Variants in ZNF780A observed in about 807,000 individuals in gnomAD.
The protein encoded by ZNF780A is zinc finger protein 780A.
ZNF780A carries 40 observed loss-of-function variants against 56.7 expected under a neutral mutation model. That is an observed-to-expected ratio of 0.71 (90% CI 0.55 to 0.92). The LOEUF is 0.92. Among genes scored for constraint, ZNF780A ranks in the 40% least tolerant of loss-of-function variants. ZNF780A has a pLI of 0.00. For missense variants in ZNF780A, 672 were observed against 783.3 expected (o/e 0.86, Z 1.70); for synonymous variants, 231 against 248.3 (o/e 0.93, Z 0.66).
chr19:40,075,415 T>G lies in ZNF780A; in HGVS notation c.1027A>C (p.Thr343Pro). ...TGTCGAACAAGCTTTGTCAGAAGAG[T>G]AAACGCCTTTCCACATTCTTTACAT... is the stretch of plus-strand genomic sequence containing the variant. The part of the protein sequence containing the change: ...FECKECGKAF[T>P]LLTKLVRHQK... The change falls in exon 6 of 6, where the codon ACT becomes CCT. Residue 343 changes from threonine to proline, a missense_variant. Transcript: ENST00000683561. The G allele has an allele frequency of 6.2e-7, 1 of 1,614,056 alleles. No individual in the cohort carries two copies. The highest frequency in any genetic ancestry group is 8.5e-7 in the Non-Finnish European group (1 of 1,180,008).
At position 40,077,156 on chromosome 19, in the gene ZNF780A, A is replaced by G. The variant is rs147389678; in HGVS notation, c.233-947T>C. 6.7e-3 allele frequency among the ~76,000 whole-genome samples: 1,013 copies of G among 152,194 alleles called. 5 individuals are homozygous for G. The highest frequency in any genetic ancestry group is 0.012 in the Non-Finnish European group (792 of 68,020). Reference sequence around the variant, plus strand: ...TATGCTGGGGCCCCAAAACAGGCACATCTGGACTGCCACTGCCACCACCAG... The same window carrying G: ...TATGCTGGGGCCCCAAAACAGGCACGTCTGGACTGCCACTGCCACCACCAG... On this transcript the variant is annotated intron_variant, in intron 5 of 5. Coordinates refer to ENST00000683561, the MANE Select transcript of ZNF780A (RefSeq NM_001142578.2).
chr19:40,073,864 T>C lies in ZNF780A; in HGVS notation c.*652A>G. On this transcript the variant is annotated 3_prime_UTR_variant, in exon 6 of 6. Coordinates refer to ENST00000683561, the MANE Select transcript of ZNF780A (RefSeq NM_001142578.2). ...CTTATTGTCACAAAATTTCTAACTA[T>C]TCTGAATTTTCTGATGTTGAGACAG... The C allele has an allele frequency of 1.0e-6, 1 of 996,868 alleles. No homozygotes were observed. Among genetic ancestry groups the C allele is most frequent in the Non-Finnish European group, 1.2e-6 (1 of 836,622 alleles). 61.8% of individuals were successfully genotyped at this position (996,868 alleles called of 1,614,324 possible). A position where few individuals can be genotyped will look rare whatever the true frequency, so the allele number is the denominator to read the frequency against.
At chr19:40,082,043 A>G (rs556838908) in intron 4 of ZNF780A, 129 bp from the exon 5 acceptor site, 1 of 571,566 alleles carries the variant, frequency 1.7e-6, no homozygotes, top group Admixed American at 3.3e-5. Context: ...TTCAGATAAG[A>G]GTGAGAGGTT....
Position 40,083,200 on chromosome 19 carries a change from G to A in ZNF780A, c.47C>T (p.Ser16Phe). The change falls in exon 4 of 6, where the codon TCT becomes TTT. Residue 16 changes from serine to phenylalanine, a missense_variant. Transcript: ENST00000683561. ...VTFRDVAIDF[S>F]QEEWECLQPD... Reference sequence around the variant, plus strand: ...CTGCAGGCACTCCCACTCCTCCTGAGAGAAGTCAATGGCCACATCCCTGAA... The same window carrying A: ...CTGCAGGCACTCCCACTCCTCCTGAAAGAAGTCAATGGCCACATCCCTGAA... 6.2e-7 allele frequency: 1 copy of A among 1,614,182 alleles called. No homozygotes were observed. The highest frequency in any genetic ancestry group is 8.5e-7 in the Non-Finnish European group (1 of 1,180,036).
chr19:40,080,028 G>T lies in ZNF780A; in HGVS notation c.232+1791C>A, dbSNP rs61140926. On this transcript the variant is annotated intron_variant, in intron 5 of 5. Coordinates refer to ENST00000683561, the MANE Select transcript of ZNF780A (RefSeq NM_001142578.2). Reference sequence around the variant, plus strand: ...AACCACTAGCTAGACTAACCAAGAAGAAAAGAGAAGAAATAAGCAAAATCA... The same window carrying T: ...AACCACTAGCTAGACTAACCAAGAATAAAAGAGAAGAAATAAGCAAAATCA... Among the ~76,000 whole-genome samples, 734 of 151,540 alleles carry T rather than the reference G, an allele frequency of 4.8e-3. 9 individuals are homozygous for T. The highest frequency in any genetic ancestry group is 0.016 in the African/African-American group (680 of 41,352).
At chr19:40,081,001 T>C (rs1289181846) in intron 5 of ZNF780A, among the ~76,000 whole-genome samples, 1 of 151,700 alleles carries the variant, frequency 6.6e-6, no homozygotes, top group Non-Finnish European at 1.5e-5. Context: ...AAAGAAAACA[T>C]AAAGGAAGTG....
At chr19:40,077,242 C>A (rs1400008901) in intron 5 of ZNF780A, among the ~76,000 whole-genome samples, 2 of 152,044 alleles carry the variant, frequency 1.3e-5, no homozygotes, top group African/African-American at 2.4e-5. Context: ...TAAAGGAATA[C>A]CTGAGACTGG....
At chr19:40,086,637 GAATTCTT>G (rs2144972336) in intron 2 of ZNF780A, among the ~76,000 whole-genome samples, 1 of 150,894 alleles carries the variant, frequency 6.6e-6, no homozygotes, top group African/African-American at 2.5e-5. Flanking sequence ...CCTTCAGATA[GAATTCTT>G]ATAGAATTCT....
At chr19:40,079,793 G>A (rs1568451278) in intron 5 of ZNF780A, among the ~76,000 whole-genome samples, 1 of 151,982 alleles carries the variant, frequency 6.6e-6, no homozygotes, top group Admixed American at 6.6e-5. Context: ...ATGAAAATCA[G>A]AATACAACAT....
chr19:40,090,179 T>G lies in ZNF780A; in HGVS notation c.-59A>C, dbSNP rs1975074645. On this transcript the variant is annotated 5_prime_UTR_variant, in exon 2 of 6. Transcript: ENST00000683561. The stretch of plus-strand genomic sequence containing the variant: ...GCACAAACTCACCCTTGACTTTAGG[T>G]GTGCAGCAGTAACGCTCTCATCCTC... 1 of 152,140 alleles carries G rather than the reference T, an allele frequency of 6.6e-6. No homozygotes were observed. Among genetic ancestry groups the G allele is most frequent in the Non-Finnish European group, 1.5e-5 (1 of 68,014 alleles). 9.4% of individuals were successfully genotyped at this position (152,140 alleles called of 1,614,324 possible).
In ZNF780A at chr19:40,075,180, T is replaced by A. The variant is rs755348373; in HGVS notation, c.1262A>T (p.Glu421Val). Reference sequence around the variant, plus strand: ...ACCACGATTAAAGCCTTTCCCACACTCCTTACATTCATATGGTTTTATACC... The same window carrying A: ...ACCACGATTAAAGCCTTTCCCACACACCTTACATTCATATGGTTTTATACC... ...HAGIKPYECK[E>V]CGKGFNRGAH... is the part of the protein sequence containing the mutation. Residue 421 changes from glutamate (E) to valine (V), a missense_variant, in exon 6 of 6, where the codon GAG (glutamate) becomes GTG (valine). Transcript: ENST00000683561. 6.2e-6 allele frequency: 10 copies of A among 1,613,830 alleles called. No homozygotes were observed. Among genetic ancestry groups the A allele is most frequent in the Admixed American group, 3.3e-5 (2 of 59,980 alleles).
chr19:40,082,890 C>G (rs1974559146), intron 4 of ZNF780A, among the ~76,000 whole-genome samples: 1 of 152,140 alleles, frequency 6.6e-6, no homozygotes, highest in South Asian at 2.1e-4. Context: ...GAGGCAATTA[C>G]AGAGAGGACC....
downstream of ZNF780A, chr19:40,072,114 G>A (rs1034141862): frequency 3.1e-5 from 7 of 223,844 alleles, no homozygotes; most frequent in African/African-American, 1.6e-4. Context: ...TTCTTCAAAT[G>A]GAGCCCCAGA....
downstream of ZNF780A, chr19:40,072,920 A>G: frequency 1.3e-6 from 2 of 1,550,944 alleles, no homozygotes; most frequent in Non-Finnish European, 1.7e-6. Context: ...AGATTCTGCA[A>G]TGGATTCTCC....
intron 5 of ZNF780A, among the ~76,000 whole-genome samples, chr19:40,078,265 AAAG>A (rs1355992120): frequency 6.6e-6 from 1 of 152,102 alleles, no homozygotes; most frequent in Admixed American, 6.5e-5. Context: ...AAAAACAAAA[AAAG>A]AAGAAGAAAC....
At chr19:40,089,981 AAG>A (rs913806490) in intron 2 of ZNF780A, among the ~76,000 whole-genome samples, 183 bp downstream of exon 2, 4 of 152,182 alleles carry the variant, frequency 2.6e-5, no homozygotes, top group African/African-American at 9.7e-5. Context: ...AGCTTCGAAA[AAG>A]AGAGCGCACA....
chr19:40,082,194 C>T (rs1364521544), intron 4 of ZNF780A, among the ~76,000 whole-genome samples: 1 of 152,144 alleles, frequency 6.6e-6, no homozygotes, highest in Non-Finnish European at 1.5e-5. Flanking sequence ...CAAATCCTAT[C>T]TCTGCTACTC....
chr19:40,071,321 A>T (rs927856513), downstream of ZNF780A: 2 of 152,142 alleles, frequency 1.3e-5, no homozygotes, highest in Non-Finnish European at 2.9e-5. Context: ...TAAAGGCTTA[A>T]TTTTTTTCAA....
chr19:40,072,875 A>G, downstream of ZNF780A: 1 of 1,546,778 alleles, frequency 6.5e-7, no homozygotes. Context: ...TTTCCAGGCT[A>G]CAATACACTA....
Sources: allele counts gnomAD v4.1 joint callset (sites outside exome capture counted in the v4.1 genomes callset), GRCh38; gene constraint gnomAD v4.1.1; transcripts MANE v1.5; gene names NCBI Gene and HGNC (gene_info 2026-07-23, HGNC 2026-07-21).